Variants in STK3 observed in about 807,000 individuals in gnomAD.
STK3 encodes serine/threonine-protein kinase 3.
In STK3, 41 loss-of-function variants were observed where a neutral mutation model predicts 58.0. The ratio of observed to expected loss-of-function variants is 0.71; its 90% CI spans 0.55 to 0.92. The LOEUF is 0.92. Ranked by LOEUF, STK3 falls within the 40% of genes least tolerant of loss-of-function variation. STK3 has a pLI of 0.00. For missense variants in STK3, 479 were observed against 602.7 expected, an observed-to-expected ratio of 0.79 and a Z score of 2.15; for synonymous variants, 170 against 191.0, an observed-to-expected ratio of 0.89 and a Z score of 0.91.
intron 2 of STK3, among the ~76,000 whole-genome samples, chr8:98,436,468 C>A (rs1056875109): frequency 1.3e-5 from 2 of 152,218 alleles, no homozygotes; most frequent in African/African-American, 4.8e-5. Context: ...TTCCTCATTT[C>A]TATCAATGGA....
chr8:98,545,505 T>C (rs894557350), intron 9 of STK3, among the ~76,000 whole-genome samples: 4 of 152,192 alleles, frequency 2.6e-5, no homozygotes, highest in Admixed American at 2.6e-4. Flanking sequence ...TTTTTGTCAT[T>C]TTTCTCCACT....
chr8:98,875,518 A>G (rs1444359530), intron 3 of STK3: 1 of 152,236 alleles, frequency 6.6e-6, no homozygotes, highest in Non-Finnish European at 1.5e-5. Context: ...CAGGCCAAAT[A>G]AAATCCAGAA....
At chr8:98,786,663 A>C (rs1832477829) in intron 1 of STK3, among the ~76,000 whole-genome samples, 1 of 152,240 alleles carries the variant, frequency 6.6e-6, no homozygotes, top group Admixed American at 6.5e-5. Context: ...AAACCTATAA[A>C]TTATTAGCAT....
chr8:98,448,050 C>G (rs1221160319), intron 1 of STK3, among the ~76,000 whole-genome samples: 1 of 150,868 alleles, frequency 6.6e-6, no homozygotes, highest in Non-Finnish European at 1.5e-5. Context: ...TTTTGACTGC[C>G]TGACACATTC....
intron 3 of STK3, among the ~76,000 whole-genome samples, chr8:98,860,589 C>T (rs1227529127): frequency 6.6e-6 from 1 of 152,120 alleles, no homozygotes; most frequent in East Asian, 1.9e-4. Flanking sequence ...TCAGTAAGTA[C>T]ATGATAACGC....
chr8:98,542,415 T>G (rs1369980074), intron 9 of STK3, among the ~76,000 whole-genome samples: 3 of 152,152 alleles, frequency 2.0e-5, no homozygotes, highest in Non-Finnish European at 4.4e-5. Flanking sequence ...CATCTTGCCA[T>G]TCAAACCCCT....
chr8:98,867,343 G>A (rs1447179418), intron 3 of STK3, among the ~76,000 whole-genome samples: 1 of 152,204 alleles, frequency 6.6e-6, no homozygotes, highest in Non-Finnish European at 1.5e-5. Context: ...GAGCCTGGGA[G>A]GCGGAGGTTC....
intron 1 of STK3, among the ~76,000 whole-genome samples, chr8:98,806,688 C>T (rs1028989031): frequency 2.6e-5 from 4 of 152,082 alleles, no homozygotes; most frequent in Non-Finnish European, 5.9e-5. Flanking sequence ...AGTATCCTCA[C>T]AATAAACTTC....
Position 98,839,570 on chromosome 8 carries a change from T to A in STK3, c.110+44077A>T, listed in dbSNP as rs546673926. Among the ~76,000 whole-genome samples the A allele has an allele frequency of 1.3e-4, 20 of 152,356 alleles. No individual in the cohort carries two copies. In the South Asian group the frequency reaches 4.1e-3, roughly 32 times the overall value. ...TATGGAATATCCATCCCCATTACAA[T>A]CTTCTTTTTGCTCTTTCTTTGGAAT... On this transcript the variant is annotated intron_variant, in intron 3 of 12. Coordinates refer to the STK3 transcript ENST00000523601.
intron 1 of STK3, among the ~76,000 whole-genome samples, chr8:98,923,949 T>A (rs1169198073): frequency 6.6e-6 from 1 of 152,018 alleles, no homozygotes; most frequent in Non-Finnish European, 1.5e-5. Flanking sequence ...CTTTTTATTT[T>A]TTTCCCCCTG....
At chr8:98,905,799 C>T (rs1838874319) in intron 1 of STK3, 3 of 377,900 alleles carry the variant, frequency 7.9e-6, no homozygotes, top group East Asian at 6.0e-5. Flanking sequence ...AATTGAGCAA[C>T]GAACGATTCA....
intron 3 of STK3, among the ~76,000 whole-genome samples, chr8:98,750,671 G>T (rs1177057720): frequency 1.3e-5 from 2 of 151,136 alleles, no homozygotes; most frequent in Middle Eastern, 3.2e-3. Context: ...TCTAGCAGAT[G>T]TACAAAGAAG....
At chr8:98,701,722 G>T (rs1237350889) in intron 6 of STK3, among the ~76,000 whole-genome samples, 1 of 151,316 alleles carries the variant, frequency 6.6e-6, no homozygotes, top group Non-Finnish European at 1.5e-5. Flanking sequence ...ACTTCCTAAA[G>T]GCCTGAGAAA....
intron 2 of STK3, among the ~76,000 whole-genome samples, chr8:98,770,502 AAC>A (rs965639864): frequency 3.9e-5 from 6 of 152,172 alleles, no homozygotes; most frequent in Non-Finnish European, 5.9e-5. Flanking sequence ...GGGTGTCCCT[AAC>A]AGTTGCTCAG....
At position 98,528,167 on chromosome 8, in the gene STK3, C is replaced by G. The variant is rs563547653; in HGVS notation, c.1142-1250G>C. Among the ~76,000 whole-genome samples the G allele has an allele frequency of 3.3e-5, 5 of 152,272 alleles. No homozygotes were observed. The South Asian group carries it at 8.3e-4, about 25-fold the overall frequency. ...CTTGCTTAGGCCATTGTAGCAGCCT[C>G]CAAACTAGTCTCCTTGCTTCCAATA... On this transcript the variant is annotated intron_variant, in intron 9 of 10. Coordinates refer to ENST00000419617, the MANE Select transcript of STK3 (RefSeq NM_006281.4).
intron 7 of STK3, 31 bp from the exon 8 acceptor site, chr8:98,579,820 C>G (rs781421326): frequency 3.0e-5 from 46 of 1,539,026 alleles, no homozygotes; most frequent in Non-Finnish European, 3.5e-5. Flanking sequence ...GGTATAAATT[C>G]AAAAGATTTT....
chr8:98,904,710 C>G (rs1838819446), intron 1 of STK3: 1 of 811,484 alleles, frequency 1.2e-6, no homozygotes, highest in African/African-American at 1.7e-5. Flanking sequence ...CTCTCTGGCC[C>G]ATAACCGTAG....
intron 6 of STK3, among the ~76,000 whole-genome samples, chr8:98,641,832 T>C (rs1286871331): frequency 5.3e-5 from 8 of 152,210 alleles, no homozygotes; most frequent in Admixed American, 5.2e-4. Context: ...TCTCTGCCTA[T>C]AACAATCAAA....
At chr8:98,616,397 C>T (rs1188184172) in intron 6 of STK3, among the ~76,000 whole-genome samples, 1 of 146,926 alleles carries the variant, frequency 6.8e-6, no homozygotes, top group Non-Finnish European at 1.5e-5. Flanking sequence ...GAAGAAACTG[C>T]ATCAACTAAC....
Sources: gnomAD v4.1 joint callset for allele counts (sites outside exome capture counted in the v4.1 genomes callset) on GRCh38, gnomAD v4.1.1 for gene constraint, MANE v1.5 for transcripts, NCBI Gene and HGNC (gene_info 2026-07-23, HGNC 2026-07-21) for gene names.